Variants in FARP1 observed in about 807,000 individuals in gnomAD.
The protein encoded by FARP1 is FERM, ARHGEF and pleckstrin domain-containing protein 1.
In FARP1, 52 loss-of-function variants were observed where a neutral mutation model predicts 128.8. The observed-to-expected ratio is 0.40, with a 90% CI of 0.32 to 0.51. FARP1 has a LOEUF of 0.51. Ranked by LOEUF, FARP1 falls within the 20% of genes least tolerant of loss-of-function variation. FARP1 has a pLI of 0.45. For synonymous variants in FARP1, 580 were observed against 551.8 expected (o/e 1.05, Z -0.72); for missense variants, 1,333 against 1,367.9 (o/e 0.97, Z 0.40).
chr13:98,240,669 C>A (rs1168124548), intron 2 of FARP1, among the ~76,000 whole-genome samples: 1 of 152,222 alleles, frequency 6.6e-6, no homozygotes, highest in African/African-American at 2.4e-5. Context: ...GGTCCGCCTG[C>A]GGACGTCATC....
rs1566801184 is a variant in FARP1 at position 98,256,965 on chromosome 13, A to ATATATATG, written c.171+43559_171+43560insGTATATAT. On this transcript the variant is annotated intron_variant, in intron 2 of 26. Coordinates refer to ENST00000319562, the MANE Select transcript of FARP1 (RefSeq NM_005766.4). ...TATATGTGGATATATATATATATAT[A>ATATATATG]TATATATATATATATATATATATAT... 7.9e-5 allele frequency among the ~76,000 whole-genome samples: 10 copies of ATATATATG among 127,316 alleles called. 1 individual carries two copies. Among genetic ancestry groups the ATATATATG allele is most frequent in the Non-Finnish European group, 8.2e-5 (5 of 61,298 alleles). The allele number at this position is 127,316 out of a possible 152,430, so 83.5% of individuals were successfully genotyped here.
At position 98,176,987 on chromosome 13, in the gene FARP1, C is replaced by T. The variant is rs759961426; in HGVS notation, c.-24+33495C>T. The T allele has an allele frequency of 8.1e-6, 13 of 1,599,218 alleles. No individual in the cohort carries two copies. The South Asian group carries it at 1.2e-4, about 15-fold the overall frequency. On this transcript the variant is annotated intron_variant, in intron 1 of 26. Coordinates refer to ENST00000319562, the MANE Select transcript of FARP1 (RefSeq NM_005766.4). This position sits in a 1 kb window ranked among gnomAD's most constrained non-coding sequence, Gnocchi z 6.2. ...ACGTCGAGGCTCTCAGGCGCCGCCTCCTCGCCCCTCCTGTCGCCGTGAGCC... is the reference window on the plus strand; with the variant it reads ...ACGTCGAGGCTCTCAGGCGCCGCCTTCTCGCCCCTCCTGTCGCCGTGAGCC...
chr13:98,220,379 T>C (rs1881346655), intron 2 of FARP1, among the ~76,000 whole-genome samples: 1 of 152,190 alleles, frequency 6.6e-6, no homozygotes, highest in South Asian at 2.1e-4. Context: ...CAGAACTGCT[T>C]TTGCCGCCGC....
At chr13:98,182,593 C>G (rs558488938) in intron 1 of FARP1, among the ~76,000 whole-genome samples, 1 of 152,242 alleles carries the variant, frequency 6.6e-6, no homozygotes, top group Non-Finnish European at 1.5e-5. Flanking sequence ...TTCCAAAGTG[C>G]TGGGATTACA....
chr13:98,297,719 G>A (rs1196505538), intron 2 of FARP1, among the ~76,000 whole-genome samples: 5 of 152,100 alleles, frequency 3.3e-5, no homozygotes, highest in Non-Finnish European at 7.4e-5. Context: ...TGTATGTTTG[G>A]GGGAAGGAAG....
chr13:98,430,368 T>C (rs1891964418), intron 17 of FARP1, among the ~76,000 whole-genome samples: 1 of 152,204 alleles, frequency 6.6e-6, no homozygotes, highest in Non-Finnish European at 1.5e-5. Context: ...TCCTGGGGTG[T>C]CCCCTGTCCT....
intron 2 of FARP1, among the ~76,000 whole-genome samples, chr13:98,316,342 A>C (rs918490783): frequency 1.3e-5 from 2 of 152,196 alleles, no homozygotes; most frequent in Non-Finnish European, 2.9e-5. Context: ...TTTCCTTGTG[A>C]AAAACTATTT....
At chr13:98,438,676 C>T (rs1594539154) in intron 19 of FARP1, 128 bp from the exon 20 acceptor site, 1 of 713,194 alleles carries the variant, frequency 1.4e-6, no homozygotes, top group East Asian at 2.6e-5. Context: ...GCAGTCCGTT[C>T]TTGGGGTCTG....
intron 5 of FARP1, among the ~76,000 whole-genome samples, chr13:98,369,285 CAT>C (rs1889227247): frequency 6.6e-6 from 1 of 150,906 alleles, no homozygotes; most frequent in South Asian, 2.1e-4. Flanking sequence ...CTGGCAGGAA[CAT>C]GTGTGGATAA....
intron 18 of FARP1, chr13:98,435,118 T>C (rs183055547): frequency 1.6e-3 from 247 of 155,226 alleles, no homozygotes; most frequent in Non-Finnish European, 3.1e-3. Flanking sequence ...ACCTGGAATA[T>C]ACTGACACTT....
chr13:98,361,778 C>G (rs1475966452), intron 3 of FARP1, among the ~76,000 whole-genome samples: 1 of 152,134 alleles, frequency 6.6e-6, no homozygotes. Flanking sequence ...GGAGGATGAA[C>G]CTCCTTTGAT....
intron 13 of FARP1, chr13:98,396,263 C>T (rs1373940098): frequency 7.5e-6 from 3 of 399,172 alleles, no homozygotes; most frequent in African/African-American, 4.1e-5. Context: ...AGAGGCATGG[C>T]GGGGCAGCTG....
chr13:98,378,444 G>T (rs527494931), intron 6 of FARP1, among the ~76,000 whole-genome samples: 10 of 152,262 alleles, frequency 6.6e-5, no homozygotes, highest in African/African-American at 2.2e-4. Context: ...TCATCTCCAG[G>T]CTTGCTGACA....
chr13:98,382,317 G>C (rs756185766), intron 6 of FARP1: 1 of 152,102 alleles, frequency 6.6e-6, no homozygotes, highest in African/African-American at 2.4e-5. Flanking sequence ...TTTCAAAGAG[G>C]AGAAATGTGG....
chr13:98,372,997 T>C (rs1168970353), intron 5 of FARP1, among the ~76,000 whole-genome samples: 2 of 152,186 alleles, frequency 1.3e-5, no homozygotes, highest in Non-Finnish European at 2.9e-5. Flanking sequence ...ATGCTCAGCT[T>C]ACAGCTCATG....
At chr13:98,228,970 A>G (rs1366894759) in intron 2 of FARP1, among the ~76,000 whole-genome samples, 3 of 152,224 alleles carry the variant, frequency 2.0e-5, no homozygotes, top group Non-Finnish European at 2.9e-5. Context: ...TATTCTTTTT[A>G]ACAAATACAA....
chr13:98,256,948 G>GTATAT, intron 2 of FARP1, among the ~76,000 whole-genome samples: 1 of 77,076 alleles, frequency 1.3e-5, no homozygotes, highest in Non-Finnish European at 2.7e-5. Flanking sequence ...TATATATGTG[G>GTATAT]ATATATATAT....
In FARP1 at chr13:98,244,166, G is replaced by A. The variant is rs141910812; in HGVS notation, c.171+30753G>A. ...CATAATTTTAAAGTTGAACAGAATT[G>A]GGTACAATTAGTGATGAAAATACAG... is the stretch of plus-strand genomic sequence containing the variant. On this transcript the variant is annotated intron_variant, in intron 2 of 26. Transcript: ENST00000319562. 5.2e-3 allele frequency among the ~76,000 whole-genome samples: 789 copies of A among 152,228 alleles called. 4 individuals are homozygous for A. Among genetic ancestry groups the A allele is most frequent in the Non-Finnish European group, 9.3e-3 (632 of 68,026 alleles).
At chr13:98,231,537 A>G (rs1428479963) in intron 2 of FARP1, among the ~76,000 whole-genome samples, 1 of 152,116 alleles carries the variant, frequency 6.6e-6, no homozygotes, top group Non-Finnish European at 1.5e-5. Context: ...TTCTGGGACC[A>G]AGTGATTCTC....
Sources: allele counts gnomAD v4.1 joint callset (sites outside exome capture counted in the v4.1 genomes callset), GRCh38; gene constraint gnomAD v4.1.1; non-coding constraint Gnocchi (gnomAD v3.1); transcripts MANE v1.5; gene names NCBI Gene and HGNC (gene_info 2026-07-23, HGNC 2026-07-21).